CTNND2: variants seen among roughly 807,000 people sequenced by gnomAD.
CTNND2 encodes catenin delta 2.
In CTNND2, 22 loss-of-function variants were observed where a neutral mutation model predicts 144.4. The observed-to-expected ratio is 0.15, with a 90% confidence interval of 0.11 to 0.22. The LOEUF (loss-of-function observed/expected upper bound fraction) is 0.22. CTNND2 is among the 10% of genes least tolerant of loss of function. The probability of loss-of-function intolerance (pLI) is 1.00; values close to 1 mark genes in which losing one functional copy is unlikely to be tolerated. For missense variants in CTNND2, 1,353 were observed against 1,618.8 expected (o/e 0.84, Z 2.82); for synonymous variants, 751 against 695.6 (o/e 1.08, Z -1.25).
At chr5:11,288,614 T>A (rs1428421429) in intron 9 of CTNND2, among the ~76,000 whole-genome samples, 1 of 152,038 alleles carries the variant, frequency 6.6e-6, no homozygotes, top group Non-Finnish European at 1.5e-5. Flanking sequence ...GAAGCACAAT[T>A]TTCAAGGTAC....
At chr5:11,349,885 T>C (rs977537328) in intron 8 of CTNND2, among the ~76,000 whole-genome samples, 1 of 152,204 alleles carries the variant, frequency 6.6e-6, no homozygotes, top group African/African-American at 2.4e-5. Context: ...ACATTTACAC[T>C]GTTTCACTTT....
At chr5:11,652,326 G>C (rs910960102) in intron 2 of CTNND2, among the ~76,000 whole-genome samples, 9 of 152,072 alleles carry the variant, frequency 5.9e-5, no homozygotes, top group African/African-American at 2.2e-4. Flanking sequence ...TAAGTTTCAT[G>C]AGGCCTCCCC....
intron 1 of CTNND2, among the ~76,000 whole-genome samples, chr5:11,798,279 G>C (rs920115227): frequency 6.6e-6 from 1 of 150,810 alleles, no homozygotes. Flanking sequence ...AAAAAAAAAG[G>C]TTTGTGTGTC....
chr5:11,488,771 T>C (rs1433905214), intron 3 of CTNND2, among the ~76,000 whole-genome samples: 1 of 152,202 alleles, frequency 6.6e-6, no homozygotes, highest in Non-Finnish European at 1.5e-5. Flanking sequence ...TCCATCGTTA[T>C]GACTGTCCTT....
chr5:11,352,177 T>C (rs2149749610), intron 8 of CTNND2, among the ~76,000 whole-genome samples: 1 of 152,306 alleles, frequency 6.6e-6, no homozygotes, highest in South Asian at 2.1e-4. Flanking sequence ...TTAGTAGTAA[T>C]GGAATAATTG....
At chr5:11,215,729 G>A (rs1739106333) in intron 10 of CTNND2, among the ~76,000 whole-genome samples, 1 of 152,118 alleles carries the variant, frequency 6.6e-6, no homozygotes. Flanking sequence ...CATTTCTTAG[G>A]ATGTTCATCA....
At chr5:11,561,532 A>G (rs113986617) in intron 3 of CTNND2, among the ~76,000 whole-genome samples, 68 of 152,350 alleles carry the variant, frequency 4.5e-4, no homozygotes, top group Admixed American at 9.1e-4. Flanking sequence ...TGAAGAGATT[A>G]AGAGAACACA....
intron 3 of CTNND2, among the ~76,000 whole-genome samples, chr5:11,438,064 A>C (rs187555114): frequency 3.1e-4 from 47 of 152,198 alleles, no homozygotes; most frequent in African/African-American, 1.0e-3. Context: ...ACTGATGCTG[A>C]TGAGAGTCTT....
At chr5:11,429,387 G>T (rs1266143978) in intron 3 of CTNND2, among the ~76,000 whole-genome samples, 2 of 152,198 alleles carry the variant, frequency 1.3e-5, no homozygotes. Context: ...GAACTCATCA[G>T]CAGCAGCTGT....
At chr5:11,667,003 T>G (rs949613273) in intron 2 of CTNND2, among the ~76,000 whole-genome samples, 1 of 151,040 alleles carries the variant, frequency 6.6e-6, no homozygotes. Context: ...CACTTAGGAG[T>G]GAGAACATGC....
At chr5:11,164,208 C>A (rs1006828607) in intron 11 of CTNND2, among the ~76,000 whole-genome samples, 5 of 152,286 alleles carry the variant, frequency 3.3e-5, no homozygotes, top group Admixed American at 2.6e-4. Context: ...AGGATAATCT[C>A]CCCATTTGAA....
At chr5:11,361,013 A>C (rs1167770820) in intron 8 of CTNND2, among the ~76,000 whole-genome samples, 2 of 152,026 alleles carry the variant, frequency 1.3e-5, no homozygotes, top group Non-Finnish European at 2.9e-5. Flanking sequence ...CTACGTATGA[A>C]AGTTTGTTTA....
intron 1 of CTNND2, among the ~76,000 whole-genome samples, chr5:11,772,538 CAA>C (rs1405565178): frequency 7.9e-5 from 12 of 152,318 alleles, no homozygotes; most frequent in African/African-American, 2.9e-4. Flanking sequence ...ATGAAATTCT[CAA>C]ACAGGTGTGT....
chr5:11,647,917 T>C (rs1172541000), intron 2 of CTNND2, among the ~76,000 whole-genome samples: 1 of 152,208 alleles, frequency 6.6e-6, no homozygotes, highest in Non-Finnish European at 1.5e-5. Context: ...GGATAAAGTA[T>C]AGTCATGTTC....
At chr5:11,444,429 A>C (rs1308537050) in intron 3 of CTNND2, among the ~76,000 whole-genome samples, 1 of 152,220 alleles carries the variant, frequency 6.6e-6, no homozygotes, top group Non-Finnish European at 1.5e-5. Flanking sequence ...ATGCTCAACA[A>C]GTATAAATTC....
At chr5:11,633,518 C>G (rs1003948215) in intron 2 of CTNND2, among the ~76,000 whole-genome samples, 22 of 152,210 alleles carry the variant, frequency 1.4e-4, no homozygotes, top group African/African-American at 5.3e-4. Context: ...TGGCTCATGC[C>G]GGTAATCCCT....
chr5:11,354,687 C>T (rs1008261295), intron 8 of CTNND2, among the ~76,000 whole-genome samples: 3 of 152,086 alleles, frequency 2.0e-5, no homozygotes, highest in African/African-American at 7.2e-5. Flanking sequence ...TAAGTGTGGA[C>T]AAATTATCCA....
At chr5:11,619,787 C>G (rs772445784) in intron 2 of CTNND2, among the ~76,000 whole-genome samples, 4 of 152,150 alleles carry the variant, frequency 2.6e-5, no homozygotes, top group Non-Finnish European at 4.4e-5. Context: ...CTGTACTCAT[C>G]CCAGCTAGAG....
At chr5:11,778,580 T>C (rs1247732566) in intron 1 of CTNND2, among the ~76,000 whole-genome samples, 1 of 152,198 alleles carries the variant, frequency 6.6e-6, no homozygotes, top group Non-Finnish European at 1.5e-5. Flanking sequence ...AGAGATATTC[T>C]ACAATATACC....
Sources: allele counts gnomAD v4.1 joint callset (sites outside exome capture counted in the v4.1 genomes callset), GRCh38; gene constraint gnomAD v4.1.1; transcripts MANE v1.5; gene names NCBI Gene and HGNC (gene_info 2026-07-23, HGNC 2026-07-21).